The following TMEM255B variants were observed in gnomAD, a reference collection of about 807,000 sequenced individuals.
TMEM255B encodes transmembrane protein 255B.
A neutral mutation model predicts 34.5 loss-of-function variants in TMEM255B; 35 were observed. The observed-to-expected ratio is 1.01, with a 90% CI of 0.77 to 1.34. TMEM255B has a LOEUF of 1.34. Ranked by LOEUF, TMEM255B falls within the 40% of genes most tolerant of loss-of-function variation. The pLI is 0.00. For synonymous variants in TMEM255B, 206 were observed against 201.2 expected (o/e 1.02, Z -0.20); for missense variants, 432 against 433.2 (o/e 1.00, Z 0.02).
At chr13:113,805,342 T>G (rs1018840775) in intron 8 of TMEM255B, among the ~76,000 whole-genome samples, 2 of 152,226 alleles carry the variant, frequency 1.3e-5, no homozygotes, top group East Asian at 3.9e-4. Flanking sequence ...TGCGTTTGTC[T>G]GCTGGTGGAC....
At chr13:113,794,438 G>A (rs904131033) in intron 3 of TMEM255B, among the ~76,000 whole-genome samples, 38 of 152,122 alleles carry the variant, frequency 2.5e-4, no homozygotes, top group Admixed American at 2.2e-3. Context: ...CTCATCCATC[G>A]GGACGGAACC....
At chr13:113,797,806 A>G (rs773947027) in intron 4 of TMEM255B, among the ~76,000 whole-genome samples, 13 of 152,352 alleles carry the variant, frequency 8.5e-5, no homozygotes, top group Non-Finnish European at 1.3e-4. Flanking sequence ...AACGTGGGCA[A>G]TGTGACCCTA....
At chr13:113,807,280 G>A (rs1321151731) in intron 8 of TMEM255B, among the ~76,000 whole-genome samples, 1 of 151,232 alleles carries the variant, frequency 6.6e-6, no homozygotes, top group African/African-American at 2.4e-5. Context: ...CCCGTCACAC[G>A]CAGGCTTACG....
rs1019970314 is a variant in TMEM255B at position 113,770,707 on chromosome 13, C to T, written c.252+1547C>T. 6.6e-6 allele frequency among the ~76,000 whole-genome samples: 1 copy of T among 152,144 alleles called. No individual in the cohort carries two copies. The highest frequency in any genetic ancestry group is 1.9e-4 in the East Asian group (1 of 5,178). On this transcript the variant is annotated intron_variant, in intron 3 of 8. Transcript: ENST00000375353. This position sits in a 1 kb window ranked among gnomAD's most constrained non-coding sequence, Gnocchi z 4.6. ...CCCGAGGGTGGGCGTCACAGCTGAC[C>T]AGGGTGGGCAAAGGCCTCACACACA...
At chr13:113,780,142 A>G (rs1000421200) in intron 3 of TMEM255B, among the ~76,000 whole-genome samples, 2 of 152,216 alleles carry the variant, frequency 1.3e-5, no homozygotes, top group Non-Finnish European at 1.5e-5. Context: ...CTGGCCTGTC[A>G]GAAAGTGACA....
intron 5 of TMEM255B, chr13:113,800,104 GT>G (rs2051017655): frequency 8.7e-7 from 1 of 1,150,828 alleles, no homozygotes; most frequent in Non-Finnish European, 1.1e-6. Context: ...GTGGGGGGGG[GT>G]AGGCAGGAGG....
At chr13:113,799,856 G>A (rs374806997) in intron 5 of TMEM255B, 25 of 834,000 alleles carry the variant, frequency 3.0e-5, no homozygotes, top group African/African-American at 6.9e-5. Context: ...GCGGGCGGCC[G>A]CCGCCTTCGC....
chr13:113,785,069 T>A (rs988326994), intron 3 of TMEM255B, among the ~76,000 whole-genome samples: 1 of 152,184 alleles, frequency 6.6e-6, no homozygotes, highest in African/African-American at 2.4e-5. Flanking sequence ...TGTTTCTGGG[T>A]GGAGGAGAGT....
chr13:113,779,269 C>T (rs1184417052), intron 3 of TMEM255B, among the ~76,000 whole-genome samples: 1 of 152,100 alleles, frequency 6.6e-6, no homozygotes, highest in African/African-American at 2.4e-5. Flanking sequence ...TCCAAGATGG[C>T]GATGTTCTTG....
chr13:113,800,192 T>TGG (rs1285498447), intron 5 of TMEM255B: 8 of 23,802 alleles, frequency 3.4e-4, no homozygotes, highest in African/African-American at 1.0e-3. Context: ...TGTGTGTGTG[T>TGG]GTGGGGGGGG....
chr13:113,805,424 G>A lies in TMEM255B; in HGVS notation c.813+396G>A, dbSNP rs113601571. Reference sequence around the variant, plus strand: ...GCCAAAATCCAACCCCATTTTACCCGCAGACGTGGAGACATCATAGGGTTC... The same window carrying A: ...GCCAAAATCCAACCCCATTTTACCCACAGACGTGGAGACATCATAGGGTTC... On this transcript the variant is annotated intron_variant, in intron 8 of 8. Coordinates refer to ENST00000375353, the MANE Select transcript of TMEM255B (RefSeq NM_182614.4). Among the ~76,000 whole-genome samples the A allele has an allele frequency of 2.0e-5, 3 of 152,180 alleles. No homozygotes were observed. The South Asian group carries it at 6.2e-4, about 32-fold the overall frequency.
At chr13:113,792,798 T>C (rs1027109115) in intron 3 of TMEM255B, among the ~76,000 whole-genome samples, 9 of 152,272 alleles carry the variant, frequency 5.9e-5, no homozygotes, top group African/African-American at 2.2e-4. Context: ...CCCAGGCTAA[T>C]GCAGCCATGG....
rs180717748 is a variant in TMEM255B at position 113,812,300 on chromosome 13, G to A, written c.*397G>A. On this transcript the variant is annotated 3_prime_UTR_variant, in exon 9 of 9. Transcript: ENST00000375353. ...TGTGGACATGTGTTGTGCGTTACAC[G>A]TTCGTGTGTGCATCTGTGTCCTGGA... 1.5e-3 allele frequency: 322 copies of A among 214,716 alleles called. No homozygotes were observed. Among genetic ancestry groups the A allele is most frequent in the African/African-American group, 7.0e-3 (298 of 42,430 alleles). The allele number at this position is 214,716 out of a possible 1,614,324, so 13.3% of individuals were successfully genotyped here.
At chr13:113,789,967 C>T (rs1312136054) in intron 3 of TMEM255B, among the ~76,000 whole-genome samples, 1 of 152,026 alleles carries the variant, frequency 6.6e-6, no homozygotes, top group African/African-American at 2.4e-5. Flanking sequence ...TGTGGACATC[C>T]TAGCGCTGGA....
chr13:113,768,594 G>A (rs1292628062), intron 2 of TMEM255B, among the ~76,000 whole-genome samples: 7 of 152,116 alleles, frequency 4.6e-5, no homozygotes, highest in African/African-American at 1.2e-4. Context: ...CCCTGCTAAC[G>A]GTCTGCCCTG....
intron 8 of TMEM255B, among the ~76,000 whole-genome samples, chr13:113,807,775 T>TA (rs1190906711): frequency 7.5e-6 from 1 of 134,084 alleles, no homozygotes; most frequent in Non-Finnish European, 1.6e-5. Context: ...CACGCAGGCT[T>TA]ACGGGATGTG....
rs2051013784 is a variant in TMEM255B, at chr13:113,800,007, C to T, written c.423+588C>T. 5 of 1,241,956 alleles carry T rather than the reference C, an allele frequency of 4.0e-6. 1 individual carries two copies. In the South Asian group the frequency reaches 4.1e-5, roughly 10 times the overall value. 76.9% of individuals were successfully genotyped at this position (1,241,956 alleles called of 1,614,324 possible). A position where few individuals can be genotyped will look rare whatever the true frequency, so the allele number is the denominator to read the frequency against. On this transcript the variant is annotated intron_variant, in intron 5 of 8. Transcript: ENST00000375353. Reference sequence around the variant, plus strand: ...GAGGAGGAGGAGCTGGAGGCCCTCTCAGTGGCCAGCACCTGCCAGCTTGTC... The same window carrying T: ...GAGGAGGAGGAGCTGGAGGCCCTCTTAGTGGCCAGCACCTGCCAGCTTGTC...
chr13:113,799,673 A>G (rs1021484694), intron 5 of TMEM255B: 4 of 665,520 alleles, frequency 6.0e-6, no homozygotes, highest in African/African-American at 3.6e-5. Flanking sequence ...GCACGTGTCC[A>G]GTTCTGTATG....
intron 3 of TMEM255B, among the ~76,000 whole-genome samples, chr13:113,794,218 G>A (rs554018419): frequency 2.0e-5 from 3 of 152,292 alleles, no homozygotes; most frequent in African/African-American, 7.2e-5. Context: ...GGGCGTCTTT[G>A]CAAGTGTGAG....
Sources: allele counts gnomAD v4.1 joint callset (sites outside exome capture counted in the v4.1 genomes callset), GRCh38; gene constraint gnomAD v4.1.1; non-coding constraint Gnocchi (gnomAD v3.1); transcripts MANE v1.5; gene names NCBI Gene and HGNC (gene_info 2026-07-23, HGNC 2026-07-21).